The following NRG3 variants were observed in gnomAD, a reference collection of about 807,000 sequenced individuals.
NRG3 encodes neuregulin 3.
Under a neutral mutation model 66.9 loss-of-function variants are expected in NRG3, and 31 were observed. The observed-to-expected ratio is 0.46, with a 90% confidence interval of 0.35 to 0.63. The LOEUF (loss-of-function observed/expected upper bound fraction) is 0.63, where lower values mean the gene tolerates loss of function less well. Among genes scored for constraint, NRG3 ranks in the 20% least tolerant of loss-of-function variants. The pLI, the probability that NRG3 is intolerant of heterozygous loss-of-function variation, is 0.00. For synonymous variants in NRG3, 393 were observed against 359.4 expected, an observed-to-expected ratio of 1.09 and a Z score of -1.06; for missense variants, 910 against 878.9, an observed-to-expected ratio of 1.04 and a Z score of -0.45.
chr10:82,134,294 G>A (rs374619351), intron 1 of NRG3, among the ~76,000 whole-genome samples: 41 of 152,194 alleles, frequency 2.7e-4, no homozygotes, highest in African/African-American at 8.9e-4. Flanking sequence ...TTTTGCTTTC[G>A]TAGCGATTTC....
intron 3 of NRG3, among the ~76,000 whole-genome samples, chr10:82,822,765 A>G (rs751715923): frequency 1.9e-4 from 29 of 151,624 alleles, no homozygotes; most frequent in Non-Finnish European, 3.1e-4. Context: ...CCTGTCCTGG[A>G]GTCTGGATGG....
Position 82,738,601 on chromosome 10 carries a change from C to T in NRG3, c.978C>T (p.Val326=), listed in dbSNP as rs755943547. 3 of 1,614,170 alleles carry T rather than the reference C, an allele frequency of 1.9e-6. No homozygotes were observed. In the South Asian group the frequency reaches 3.3e-5, roughly 18 times the overall value. Residue 326 remains valine, a synonymous_variant, in exon 3 of 9, where the codon GTC becomes GTT. Transcript: ENST00000372141. ...GGTGCAAAGAAGGCTACCAAGGAGT[C>T]CGTTGTGATCAATTTCTGCCGAAAA... is the stretch of plus-strand genomic sequence containing the variant. ...HCRCKEGYQG[V]RCDQFLPKTD... is the part of the protein sequence containing the mutation.
At chr10:82,348,608 T>A (rs2083195353) in intron 1 of NRG3, among the ~76,000 whole-genome samples, 1 of 146,654 alleles carries the variant, frequency 6.8e-6, no homozygotes, top group Admixed American at 6.8e-5. Context: ...AATCTGAACG[T>A]TGGCCTGCCT....
rs59364574 is a variant in NRG3 at position 82,406,587 on chromosome 10, A to G, written c.953+47719A>G. 7.0e-3 allele frequency among the ~76,000 whole-genome samples: 1,062 copies of G among 152,290 alleles called. 13 individuals are homozygous for G. Among genetic ancestry groups the G allele is most frequent in the African/African-American group, 0.025 (1,024 of 41,558 alleles). On this transcript the variant is annotated intron_variant, in intron 2 of 8. Coordinates refer to ENST00000372141, the MANE Select transcript of NRG3 (RefSeq NM_001010848.4). ...TGCATTATGTGCTTGAAGCCCAGCA[A>G]TAACACTGGAACTTGGGTAATGCAG...
chr10:82,171,944 A>G (rs1391579381), intron 1 of NRG3, among the ~76,000 whole-genome samples: 1 of 152,128 alleles, frequency 6.6e-6, no homozygotes, highest in Non-Finnish European at 1.5e-5. Flanking sequence ...TCACTCAGCA[A>G]TGTGCACAGC....
chr10:82,452,385 T>C (rs1390853474), intron 2 of NRG3, among the ~76,000 whole-genome samples: 4 of 152,358 alleles, frequency 2.6e-5, no homozygotes, highest in East Asian at 3.9e-4. Context: ...TAAAAATCTA[T>C]AAGATTTACC....
chr10:82,918,137 G>A (rs1846065046), intron 4 of NRG3, among the ~76,000 whole-genome samples: 1 of 151,910 alleles, frequency 6.6e-6, no homozygotes, highest in Non-Finnish European at 1.5e-5. Context: ...CTAATCACCA[G>A]TGACAGATTT....
Position 82,985,841 on chromosome 10 carries a change from G to T in NRG3, c.*236G>T. On this transcript the variant is annotated 3_prime_UTR_variant, in exon 9 of 9. Transcript: ENST00000372141. ...TGGGTAGAATTCTGAATCCAATTTC[G>T]TTTAGTCCCAACACTGTCCTCTTTG... is the stretch of plus-strand genomic sequence containing the variant. 1 of 478,406 alleles carries T rather than the reference G, an allele frequency of 2.1e-6. No individual in the cohort carries two copies. Among genetic ancestry groups the T allele is most frequent in the Non-Finnish European group, 3.7e-6 (1 of 270,692 alleles). 29.6% of individuals were successfully genotyped at this position (478,406 alleles called of 1,614,324 possible).
intron 2 of NRG3, among the ~76,000 whole-genome samples, chr10:82,577,021 C>T (rs1479112272): frequency 6.6e-6 from 1 of 151,640 alleles, no homozygotes; most frequent in Non-Finnish European, 1.5e-5. Context: ...AGTTTTCCAA[C>T]GTTTTATTAT....
chr10:82,132,652 T>A (rs2069013023), intron 1 of NRG3, among the ~76,000 whole-genome samples: 1 of 150,004 alleles, frequency 6.7e-6, no homozygotes, highest in African/African-American at 2.4e-5. Context: ...GGATTGGTAT[T>A]AGTTCTTCAT....
intron 1 of NRG3, among the ~76,000 whole-genome samples, chr10:81,998,897 A>T (rs368174513): frequency 6.6e-6 from 1 of 152,110 alleles, no homozygotes; most frequent in East Asian, 1.9e-4. Flanking sequence ...GCTCACTGCA[A>T]CCTTCGCCTC....
chr10:82,604,242 T>A (rs1352058154), intron 2 of NRG3, among the ~76,000 whole-genome samples: 1 of 152,164 alleles, frequency 6.6e-6, no homozygotes, highest in East Asian at 1.9e-4. Context: ...ATATTTTTAC[T>A]ATCTACATAG....
chr10:82,251,912 AG>A (rs1219717208), intron 1 of NRG3, among the ~76,000 whole-genome samples: 1 of 141,298 alleles, frequency 7.1e-6, no homozygotes, highest in Non-Finnish European at 1.5e-5. Context: ...TGGCTCCAAA[AG>A]AAGGCCCCTG....
chr10:82,949,374 T>C (rs1339047419), intron 4 of NRG3, among the ~76,000 whole-genome samples: 3 of 152,124 alleles, frequency 2.0e-5, no homozygotes, highest in Non-Finnish European at 4.4e-5. Context: ...ATCATGATAA[T>C]ACTGGCATCA....
chr10:82,544,244 A>G (rs1180370558), intron 2 of NRG3, among the ~76,000 whole-genome samples: 1 of 152,186 alleles, frequency 6.6e-6, no homozygotes, highest in African/African-American at 2.4e-5. Flanking sequence ...ATTAGGGTAG[A>G]GGTTAGAACA....
At chr10:82,918,059 G>T in intron 4 of NRG3, among the ~76,000 whole-genome samples, 1 of 145,500 alleles carries the variant, frequency 6.9e-6, no homozygotes, top group Admixed American at 6.9e-5. Flanking sequence ...TTTTTTCCTG[G>T]GATTTGTCTT....
chr10:82,400,570 CTT>C (rs59452570), intron 2 of NRG3, among the ~76,000 whole-genome samples: 23 of 139,806 alleles, frequency 1.6e-4, no homozygotes, highest in South Asian at 2.3e-4. Context: ...GAGGCAGATT[CTT>C]TTTTTTTTTT....
intron 2 of NRG3, among the ~76,000 whole-genome samples, chr10:82,668,751 T>C (rs2053002921): frequency 6.6e-6 from 1 of 152,164 alleles, no homozygotes. Context: ...GTACCTTTCA[T>C]GTGCCAGATT....
At chr10:82,096,343 G>A (rs1466041455) in intron 1 of NRG3, among the ~76,000 whole-genome samples, 1 of 152,082 alleles carries the variant, frequency 6.6e-6, no homozygotes, top group Non-Finnish European at 1.5e-5. Context: ...GGGCATGGTG[G>A]CACATGCCTG....
Sources: gnomAD v4.1 joint callset for allele counts (sites outside exome capture counted in the v4.1 genomes callset) on GRCh38, gnomAD v4.1.1 for gene constraint, MANE v1.5 for transcripts, NCBI Gene and HGNC (gene_info 2026-07-23, HGNC 2026-07-21) for gene names.